GAREM1: variants seen among roughly 807,000 people sequenced by gnomAD.
GAREM1 encodes GRB2 associated regulator of MAPK1 subtype 1.
GAREM1 carries 26 observed loss-of-function variants against 71.3 expected under a neutral mutation model. The ratio of observed to expected loss-of-function variants is 0.36; its 90% confidence interval spans 0.27 to 0.51. The LOEUF (loss-of-function observed/expected upper bound fraction) is 0.51. Among genes scored for constraint, GAREM1 ranks in the 20% least tolerant of loss-of-function variants. GAREM1 has a pLI of 0.95. For synonymous variants in GAREM1, 440 were observed against 433.2 expected, an observed-to-expected ratio of 1.02 and a Z score of -0.20; for missense variants, 1,026 against 1,103.1, an observed-to-expected ratio of 0.93 and a Z score of 0.99.
At chr18:32,310,838 G>A (rs1349644930) in intron 2 of GAREM1, among the ~76,000 whole-genome samples, 1 of 151,798 alleles carries the variant, frequency 6.6e-6, no homozygotes, top group Non-Finnish European at 1.5e-5. Flanking sequence ...TCATATTCCT[G>A]GTTAGAACAA....
At chr18:32,347,275 G>C (rs1236123151) in intron 2 of GAREM1, among the ~76,000 whole-genome samples, 1 of 152,124 alleles carries the variant, frequency 6.6e-6, no homozygotes, top group Non-Finnish European at 1.5e-5. Flanking sequence ...TGAAGTGAAA[G>C]GATCACTTGA....
At chr18:32,319,368 G>A (rs2047408985) in intron 2 of GAREM1, among the ~76,000 whole-genome samples, 1 of 152,202 alleles carries the variant, frequency 6.6e-6, no homozygotes, top group South Asian at 2.1e-4. Context: ...TTAATCTTAT[G>A]TATGCATGTA....
intron 1 of GAREM1, among the ~76,000 whole-genome samples, chr18:32,398,430 AAAGAAG>A (rs1283103996): frequency 2.0e-5 from 3 of 152,218 alleles, no homozygotes; most frequent in African/African-American, 7.2e-5. Context: ...CAAGACTAAT[AAAGAAG>A]AAAAGAGAGA....
chr18:32,387,877 G>T (rs887683741), intron 2 of GAREM1, among the ~76,000 whole-genome samples: 1 of 152,038 alleles, frequency 6.6e-6, no homozygotes, highest in South Asian at 2.1e-4. Flanking sequence ...TCTTTAAAAC[G>T]CTGAGTTTTA....
intron 1 of GAREM1, among the ~76,000 whole-genome samples, chr18:32,445,703 C>T (rs1451476468): frequency 6.6e-6 from 1 of 152,152 alleles, no homozygotes. Context: ...GTTTGTTTCG[C>T]AGGACTGTAA....
At chr18:32,304,837 C>T (rs768497097) in intron 3 of GAREM1, among the ~76,000 whole-genome samples, 3 of 152,008 alleles carry the variant, frequency 2.0e-5, no homozygotes, top group Non-Finnish European at 4.4e-5. Flanking sequence ...CCAACTCACT[C>T]TGTAGATCGT....
chr18:32,457,222 A>AGTGTGT (rs547348755), intron 1 of GAREM1, among the ~76,000 whole-genome samples: 113 of 84,226 alleles, frequency 1.3e-3, no homozygotes, highest in Non-Finnish European at 2.1e-3. Flanking sequence ...AGAGAGAGAG[A>AGTGTGT]GAGAGTGTGT....
At chr18:32,381,445 A>G (rs768438901) in intron 2 of GAREM1, among the ~76,000 whole-genome samples, 6 of 152,212 alleles carry the variant, frequency 3.9e-5, no homozygotes, top group Non-Finnish European at 5.9e-5. Flanking sequence ...TGTTTCCTTA[A>G]AAGCTAGGGG....
chr18:32,290,663 AAAAT>A (rs901921216), intron 3 of GAREM1, among the ~76,000 whole-genome samples: 7 of 151,872 alleles, frequency 4.6e-5, no homozygotes, highest in African/African-American at 1.5e-4. Context: ...AAAAAAAAGA[AAAAT>A]AGGCAAAATA....
intron 2 of GAREM1, among the ~76,000 whole-genome samples, chr18:32,339,681 C>T (rs2047630852): frequency 6.6e-6 from 1 of 152,224 alleles, no homozygotes; most frequent in South Asian, 2.1e-4. Flanking sequence ...AGGTGTTTAA[C>T]ATATACAAAT....
intron 1 of GAREM1, among the ~76,000 whole-genome samples, chr18:32,434,447 G>A (rs955530857): frequency 1.2e-4 from 18 of 152,048 alleles, no homozygotes; most frequent in African/African-American, 4.3e-4. Context: ...GCCTAGGGCA[G>A]GGGCATCTTG....
At chr18:32,413,455 T>C (rs1041188765) in intron 1 of GAREM1, among the ~76,000 whole-genome samples, 2 of 152,054 alleles carry the variant, frequency 1.3e-5, no homozygotes, top group East Asian at 3.9e-4. Flanking sequence ...TAACAGAGGG[T>C]TAATAAGAAA....
chr18:32,426,186 T>G (rs2048573361), intron 1 of GAREM1, among the ~76,000 whole-genome samples: 1 of 151,864 alleles, frequency 6.6e-6, no homozygotes, highest in African/African-American at 2.4e-5. Flanking sequence ...GCCCAGCTAG[T>G]TTTTGGTATT....
chr18:32,322,128 CAG>C (rs1460972180), intron 2 of GAREM1, among the ~76,000 whole-genome samples: 1 of 152,122 alleles, frequency 6.6e-6, no homozygotes, highest in Non-Finnish European at 1.5e-5. Flanking sequence ...AGGAAGCCAA[CAG>C]AGAAAAAAGA....
chr18:32,466,748 A>C (rs11081766), intron 1 of GAREM1, among the ~76,000 whole-genome samples: 142,793 of 152,186 alleles, frequency 0.94, 67,669 homozygotes, highest in East Asian at 1. Flanking sequence ...CCCAGTTCTA[A>C]AGTCAACAGT....
intron 2 of GAREM1, among the ~76,000 whole-genome samples, chr18:32,387,032 TTTA>T (rs113876801): frequency 0.15 from 23,064 of 149,152 alleles, 2,120 homozygotes; most frequent in African/African-American, 0.26. Flanking sequence ...TCTTTTTTTT[TTTA>T]AAAAAAAATC....
At chr18:32,438,583 A>G (rs1422093686) in intron 1 of GAREM1, among the ~76,000 whole-genome samples, 2 of 152,250 alleles carry the variant, frequency 1.3e-5, no homozygotes, top group East Asian at 3.8e-4. Flanking sequence ...GTCAAGAACA[A>G]GTGCATGTCA....
At chr18:32,446,307 C>T (rs1168641474) in intron 1 of GAREM1, among the ~76,000 whole-genome samples, 1 of 151,690 alleles carries the variant, frequency 6.6e-6, no homozygotes, top group Non-Finnish European at 1.5e-5. Context: ...TTTGCTGTAA[C>T]AAAATTTTTG....
intron 2 of GAREM1, among the ~76,000 whole-genome samples, chr18:32,342,237 C>G (rs192890058): frequency 2.0e-5 from 3 of 152,196 alleles, no homozygotes; most frequent in African/African-American, 4.8e-5. Context: ...TGCTTGAGGT[C>G]TCGAAGCTAA....
Sources: allele counts gnomAD v4.1 joint callset (sites outside exome capture counted in the v4.1 genomes callset), GRCh38; gene constraint gnomAD v4.1.1; transcripts MANE v1.5; gene names NCBI Gene and HGNC (gene_info 2026-07-23, HGNC 2026-07-21).